Variants in NACC2 observed in about 807,000 individuals in gnomAD.
NACC2 encodes NACC family member 2, also known as nucleus accumbens-associated protein 2.
NACC2 carries 8 observed loss-of-function variants against 25.1 expected under a neutral mutation model. That is an observed-to-expected ratio of 0.32 (90% CI 0.19 to 0.57). The LOEUF (loss-of-function observed/expected upper bound fraction) is 0.57. Ranked by LOEUF, NACC2 falls within the 20% of genes least tolerant of loss-of-function variation. The pLI, the probability that NACC2 is intolerant of heterozygous loss-of-function variation, is 0.89. For synonymous variants in NACC2, 435 were observed against 294.7 expected (o/e 1.48, Z -4.88); for missense variants, 644 against 650.2 (o/e 0.99, Z 0.10).
chr9:136,066,340 G>A (rs1841080751), intron 1 of NACC2, among the ~76,000 whole-genome samples: 1 of 152,078 alleles, frequency 6.6e-6, no homozygotes, highest in Non-Finnish European at 1.5e-5. Flanking sequence ...AAATAGGCAA[G>A]GCATCTGAAA....
chr9:136,048,228 G>C (rs1840758532), intron 2 of NACC2, among the ~76,000 whole-genome samples: 2 of 152,178 alleles, frequency 1.3e-5, no homozygotes, highest in African/African-American at 4.8e-5. Flanking sequence ...GTGGGCCTTG[G>C]GAGCCTTCCC....
intron 2 of NACC2, among the ~76,000 whole-genome samples, chr9:136,023,073 AG>A (rs1271447136): frequency 4.2e-5 from 1 of 23,764 alleles, no homozygotes; most frequent in African/African-American, 2.0e-4. Context: ...GGGAAGAGGG[AG>A]GGAGGAGGGA....
chr9:136,038,535 G>A (rs1840586531), intron 2 of NACC2, among the ~76,000 whole-genome samples: 1 of 152,260 alleles, frequency 6.6e-6, no homozygotes, highest in South Asian at 2.1e-4. Flanking sequence ...GTGAGATTAT[G>A]TCTCAAAAAG....
intron 1 of NACC2, among the ~76,000 whole-genome samples, chr9:136,058,418 C>T (rs1840960692): frequency 6.6e-6 from 1 of 152,266 alleles, no homozygotes; most frequent in East Asian, 1.9e-4. Flanking sequence ...GCAGCAGGCA[C>T]CTGCTCAGGA....
rs935145376 is a variant in NACC2 at position 136,011,651 on chromosome 9, G to A, written c.1629C>T (p.Ala543=). 4.3e-6 allele frequency: 6 copies of A among 1,403,984 alleles called. No homozygotes were observed. Among genetic ancestry groups the A allele is most frequent in the Middle Eastern group, 1.9e-4 (1 of 5,370 alleles). 87.0% of individuals were successfully genotyped at this position (1,403,984 alleles called of 1,614,324 possible). A position where few individuals can be genotyped will look rare whatever the true frequency, so the allele number is the denominator to read the frequency against. ...DGAGSVIQEV[A]APEPLPADGQ... ...CATCGGCGGGCAGCGGCTCGGGGGC[G>A]GCCACCTCCTGGATGACCGAGCCAG... The change falls in exon 6 of 6, where the codon GCC becomes GCT. Residue 543 remains alanine, a synonymous_variant. Transcript: ENST00000277554.
chr9:136,025,119 G>C (rs1261784469), intron 2 of NACC2, among the ~76,000 whole-genome samples: 1 of 152,216 alleles, frequency 6.6e-6, no homozygotes, highest in Non-Finnish European at 1.5e-5. Context: ...CAAGAGGAGG[G>C]GTTCTGGGGA....
In NACC2 at chr9:136,049,667, C is replaced by G. The variant is rs1840786040; in HGVS notation, c.855G>C (p.Gln285His). The G allele has an allele frequency of 9.0e-6, 7 of 778,608 alleles. No individual in the cohort carries two copies. The highest frequency in any genetic ancestry group is 1.7e-5 in the Admixed American group (1 of 58,968). The allele number at this position is 778,608 out of a possible 1,614,324, so 48.2% of individuals were successfully genotyped here. The change falls in exon 2 of 6, where the codon CAG (glutamine) becomes CAC (histidine). Residue 285 changes from glutamine to histidine, a missense_variant. Coordinates refer to ENST00000277554, the MANE Select transcript of NACC2 (RefSeq NM_144653.5). ...YDTMVEEQYGQMYIKASGSYA... is the reference protein window; with the variant it reads ...YDTMVEEQYGHMYIKASGSYA... ...AGCTGCCGGAGGCCTTGATGTACAT[C>G]TGGCCGTACTGCTCCTCCACCATGG...
intron 1 of NACC2, among the ~76,000 whole-genome samples, chr9:136,092,142 C>T (rs535515927): frequency 6.6e-6 from 1 of 152,232 alleles, no homozygotes; most frequent in African/African-American, 2.4e-5. Context: ...GCCAAGCTCC[C>T]CCACCCAAGG....
intron 1 of NACC2, among the ~76,000 whole-genome samples, chr9:136,082,990 C>T (rs1363199858): frequency 6.6e-6 from 1 of 151,710 alleles, no homozygotes; most frequent in African/African-American, 2.4e-5. Flanking sequence ...TGTTTTACGG[C>T]TGTCATAACT....
intron 1 of NACC2, among the ~76,000 whole-genome samples, chr9:136,069,183 G>A (rs1178759847): frequency 6.8e-6 from 1 of 146,324 alleles, no homozygotes; most frequent in African/African-American, 2.8e-5. Context: ...TGGGATCATA[G>A]GCGTGAACTG....
At chr9:136,075,804 T>A (rs1830257353) in intron 1 of NACC2, among the ~76,000 whole-genome samples, 1 of 152,202 alleles carries the variant, frequency 6.6e-6, no homozygotes, top group Non-Finnish European at 1.5e-5. Flanking sequence ...GGGTTTGGGC[T>A]CTGAGGCTCG....
At chr9:136,075,522 T>G (rs761562203) in intron 1 of NACC2, among the ~76,000 whole-genome samples, 1 of 152,210 alleles carries the variant, frequency 6.6e-6, no homozygotes, top group Non-Finnish European at 1.5e-5. Flanking sequence ...CTCAAACAGA[T>G]CGCGCAGCTG....
chr9:136,078,240 C>T (rs1830283504), intron 1 of NACC2, among the ~76,000 whole-genome samples: 2 of 152,276 alleles, frequency 1.3e-5, no homozygotes, highest in East Asian at 3.9e-4. Flanking sequence ...AGGACCCCCA[C>T]CCCCCGCAAC....
intron 1 of NACC2, among the ~76,000 whole-genome samples, chr9:136,075,453 C>T (rs1200538672): frequency 2.0e-5 from 3 of 152,274 alleles, no homozygotes; most frequent in Admixed American, 6.5e-5. Context: ...GTTTCCCTTT[C>T]GTAGACGTCG....
In NACC2 at chr9:136,050,536, G is replaced by GGCGGGGCTGGGCTCTCAGC; in HGVS notation, c.-34_-16dup. ...ATCTGAGACATGGCGGGCGGGCAGC[G>GGCGGGGCTGGGCTCTCAGC]GCGGGGCTGGGCTCTCAGCGCGGGG... On this transcript the variant is annotated 5_prime_UTR_variant, in exon 2 of 6. Coordinates refer to ENST00000277554, the MANE Select transcript of NACC2 (RefSeq NM_144653.5). The GGCGGGGCTGGGCTCTCAGC allele has an allele frequency of 1.3e-6, 1 of 754,630 alleles. No individual in the cohort carries two copies. Among genetic ancestry groups the GGCGGGGCTGGGCTCTCAGC allele is most frequent in the East Asian group, 2.5e-5 (1 of 40,626 alleles). The allele number at this position is 754,630 out of a possible 1,614,324, so 46.7% of individuals were successfully genotyped here. A position where few individuals can be genotyped will look rare whatever the true frequency, so the allele number is the denominator to read the frequency against.
rs1259810755 is a variant in NACC2, at chr9:136,018,344, C to G, written c.887-1915G>C. On this transcript the variant is annotated intron_variant, in intron 2 of 5. Transcript: ENST00000277554. This position sits in a 1 kb window ranked among gnomAD's most constrained non-coding sequence, Gnocchi z 4.4. ...GGAGGGTCCCAGAGTCACCTTTGCACCCAGCGCCTGTCAGGGAGGGGCAGG... is the reference window on the plus strand; with the variant it reads ...GGAGGGTCCCAGAGTCACCTTTGCAGCCAGCGCCTGTCAGGGAGGGGCAGG... Among the ~76,000 whole-genome samples, 1 of 152,062 alleles carries G rather than the reference C, an allele frequency of 6.6e-6. No individual in the cohort carries two copies.
At position 136,053,942 on chromosome 9, in the gene NACC2, G is replaced by A. The variant is rs1354105749; in HGVS notation, c.-59-3362C>T. ...CAGCCTGTCCCTTCCAGCAGCAAGA[G>A]GGTCCTGGCCTGTTGGCAAGGCTGA... is the stretch of plus-strand genomic sequence containing the variant. On this transcript the variant is annotated intron_variant, in intron 1 of 5. Coordinates refer to ENST00000277554, the MANE Select transcript of NACC2 (RefSeq NM_144653.5). Among the ~76,000 whole-genome samples the A allele has an allele frequency of 2.0e-5, 3 of 152,234 alleles. No individual in the cohort carries two copies. The East Asian group carries it at 5.8e-4, about 29-fold the overall frequency.
At chr9:136,057,191 G>A (rs554572105) in intron 1 of NACC2, among the ~76,000 whole-genome samples, 82 of 152,338 alleles carry the variant, frequency 5.4e-4, no homozygotes, top group African/African-American at 1.8e-3. Context: ...CGAGCCCTGC[G>A]CTTATGGGGA....
At chr9:136,072,738 T>C (rs1830211925) in intron 1 of NACC2, among the ~76,000 whole-genome samples, 1 of 151,958 alleles carries the variant, frequency 6.6e-6, no homozygotes, top group African/African-American at 2.4e-5. Flanking sequence ...TAATCCCAGC[T>C]ACTTGGGAGG....
Sources: gnomAD v4.1 joint callset for allele counts (sites outside exome capture counted in the v4.1 genomes callset) on GRCh38, gnomAD v4.1.1 for gene constraint, Gnocchi (gnomAD v3.1) non-coding constraint, MANE v1.5 for transcripts, NCBI Gene and HGNC (gene_info 2026-07-23, HGNC 2026-07-21) for gene names.